CMIP: variants seen among roughly 807,000 people sequenced by gnomAD.
CMIP encodes C-Maf-inducing protein.
A neutral mutation model predicts 97.3 loss-of-function variants in CMIP; 13 were observed. That is an observed-to-expected ratio of 0.13 (90% confidence interval 0.09 to 0.21). CMIP has a LOEUF of 0.21. CMIP is among the 10% of genes least tolerant of loss of function. The probability of loss-of-function intolerance (pLI) is 1.00; values close to 1 mark genes in which losing one functional copy is unlikely to be tolerated. For missense variants in CMIP, 847 were observed against 1,024.9 expected, an observed-to-expected ratio of 0.83 and a Z score of 2.37; for synonymous variants, 538 against 436.3, an observed-to-expected ratio of 1.23 and a Z score of -2.91.
intron 13 of CMIP, among the ~76,000 whole-genome samples, chr16:81,694,657 G>A (rs765727147): frequency 6.0e-4 from 91 of 152,314 alleles, no homozygotes; most frequent in Middle Eastern, 3.4e-3. Context: ...CCCCCCTGCC[G>A]CCGCATCCCT....
intron 20 of CMIP, among the ~76,000 whole-genome samples, chr16:81,708,919 C>T (rs1011612970): frequency 3.3e-5 from 5 of 152,082 alleles, no homozygotes; most frequent in South Asian, 2.1e-4. Flanking sequence ...TGCATACATA[C>T]GTGTACATGT....
chr16:81,525,110 T>C (rs2090105131), intron 1 of CMIP, among the ~76,000 whole-genome samples: 1 of 149,914 alleles, frequency 6.7e-6, no homozygotes, highest in African/African-American at 2.5e-5. Flanking sequence ...TTTTTATTTC[T>C]TTAAATTATT....
At chr16:81,635,023 G>C (rs1180465624) in intron 3 of CMIP, among the ~76,000 whole-genome samples, 7 of 152,182 alleles carry the variant, frequency 4.6e-5, no homozygotes, top group African/African-American at 1.7e-4. Context: ...CTGTATTTCG[G>C]AAGGGCTAGG....
chr16:81,458,609 A>T (rs117366255), intron 1 of CMIP, among the ~76,000 whole-genome samples: 2,146 of 152,186 alleles, frequency 0.014, 27 homozygotes, highest in South Asian at 0.027. Context: ...AAACCCGCAC[A>T]CTGTTTCCCC....
At chr16:81,456,796 G>A (rs1906577007) in intron 1 of CMIP, among the ~76,000 whole-genome samples, 1 of 152,222 alleles carries the variant, frequency 6.6e-6, no homozygotes, top group Admixed American at 6.5e-5. Flanking sequence ...CAGGCTGGCT[G>A]TGAGCTGAGA....
At chr16:81,625,776 G>T (rs1221649752) in intron 3 of CMIP, among the ~76,000 whole-genome samples, 1 of 152,222 alleles carries the variant, frequency 6.6e-6, no homozygotes, top group Non-Finnish European at 1.5e-5. Flanking sequence ...CCTGCTATGG[G>T]AGCTGGAGCT....
intron 1 of CMIP, among the ~76,000 whole-genome samples, chr16:81,471,569 A>C (rs1474109219): frequency 6.7e-6 from 1 of 149,546 alleles, no homozygotes; most frequent in Non-Finnish European, 1.5e-5. Context: ...ACACACATGC[A>C]TACACAAATA....
intron 1 of CMIP, among the ~76,000 whole-genome samples, chr16:81,508,448 C>T (rs976848155): frequency 7.9e-5 from 12 of 152,224 alleles, no homozygotes; most frequent in Non-Finnish European, 1.5e-5. Flanking sequence ...AGGACAGCTT[C>T]CCTGTTCTCT....
chr16:81,563,449 G>A (rs1597566419), intron 1 of CMIP, among the ~76,000 whole-genome samples: 1 of 152,182 alleles, frequency 6.6e-6, no homozygotes, highest in African/African-American at 2.4e-5. Flanking sequence ...TCCATCCAAG[G>A]TGCGGTCTAT....
At chr16:81,683,595 G>C (rs796695141) in intron 10 of CMIP, among the ~76,000 whole-genome samples, 5 of 151,806 alleles carry the variant, frequency 3.3e-5, no homozygotes, top group African/African-American at 1.2e-4. Context: ...TTGCCATGTT[G>C]GCCAGGCTGG....
At chr16:81,610,633 T>G in intron 2 of CMIP, 1 of 653,012 alleles carries the variant, frequency 1.5e-6, no homozygotes, top group Non-Finnish European at 1.9e-6. Flanking sequence ...TCTCCCTTGC[T>G]TCCCTCTCAT....
At chr16:81,600,685 T>C (rs2091643053) in intron 1 of CMIP, among the ~76,000 whole-genome samples, 2 of 152,216 alleles carry the variant, frequency 1.3e-5, no homozygotes, top group African/African-American at 4.8e-5. Context: ...GCATCAGGAA[T>C]GGACTCAATG....
rs115081531 is a variant in CMIP, at chr16:81,664,211, C to T, written c.745-58C>T. The T allele has an allele frequency of 1.9e-3, 2,780 of 1,501,844 alleles. 42 individuals are homozygous for T. The African/African-American group carries it at 0.031, about 17-fold the overall frequency. 93.0% of individuals were successfully genotyped at this position (1,501,844 alleles called of 1,614,324 possible). A position where few individuals can be genotyped will look rare whatever the true frequency, so the allele number is the denominator to read the frequency against. ...CTGTCCCCAGCCCTGCTAGCAGCCA[C>T]GGGCTGTGTTCAGAACATTCTTAGG... On this transcript the variant is annotated intron_variant, in intron 6 of 20. Coordinates refer to ENST00000537098, the MANE Select transcript of CMIP (RefSeq NM_198390.3).
intron 1 of CMIP, among the ~76,000 whole-genome samples, chr16:81,496,521 TTTA>T (rs1353501457): frequency 6.6e-6 from 1 of 152,210 alleles, no homozygotes; most frequent in Non-Finnish European, 1.5e-5. Flanking sequence ...TCAAATCAGA[TTTA>T]TGGTTGTTTC....
intron 3 of CMIP, among the ~76,000 whole-genome samples, chr16:81,650,274 G>T (rs2092412405): frequency 6.6e-6 from 1 of 152,200 alleles, no homozygotes; most frequent in African/African-American, 2.4e-5. Context: ...GGGCTGCCCT[G>T]GCCTCCTCTG....
At chr16:81,641,907 G>C (rs1417915739) in intron 3 of CMIP, among the ~76,000 whole-genome samples, 1 of 152,226 alleles carries the variant, frequency 6.6e-6, no homozygotes, top group Non-Finnish European at 1.5e-5. Context: ...TCAGGATCCA[G>C]AGCTAGACCT....
chr16:81,646,643 T>C (rs947721045), intron 3 of CMIP, among the ~76,000 whole-genome samples: 2 of 152,224 alleles, frequency 1.3e-5, no homozygotes, highest in East Asian at 1.9e-4. Flanking sequence ...GTCTCATTCC[T>C]GTTCTGTGCC....
chr16:81,604,927 A>G lies in CMIP; in HGVS notation c.301-2640A>G, dbSNP rs1308202130. Among the ~76,000 whole-genome samples, 11 of 152,170 alleles carry G rather than the reference A, an allele frequency of 7.2e-5. No individual in the cohort carries two copies. In the East Asian group the frequency reaches 2.1e-3, roughly 29 times the overall value. On this transcript the variant is annotated intron_variant, in intron 1 of 20. Coordinates refer to ENST00000537098, the MANE Select transcript of CMIP (RefSeq NM_198390.3). ...AAGATAGTCATTAATTTGTCAGGAA[A>G]TTAGTAATCACCTCCTAAATGTCAG...
Position 81,680,513 on chromosome 16 carries a change from G to A in CMIP, c.1388+1885G>A, listed in dbSNP as rs931021439. Among the ~76,000 whole-genome samples the A allele has an allele frequency of 3.5e-4, 53 of 152,326 alleles. 1 individual carries two copies. Among genetic ancestry groups the A allele is most frequent in the African/African-American group, 1.2e-3 (49 of 41,584 alleles). ...CCTCCTCTGCCCTGGCTTTGGCCCC[G>A]GAGAGGAAAGGGTGGGGTGTGCCCA... On this transcript the variant is annotated intron_variant, in intron 10 of 20. Coordinates refer to ENST00000537098, the MANE Select transcript of CMIP (RefSeq NM_198390.3).
Sources: gnomAD v4.1 joint callset for allele counts (sites outside exome capture counted in the v4.1 genomes callset) on GRCh38, gnomAD v4.1.1 for gene constraint, MANE v1.5 for transcripts, NCBI Gene and HGNC (gene_info 2026-07-23, HGNC 2026-07-21) for gene names.